Variants in ZMIZ1 observed in about 807,000 individuals in gnomAD.
ZMIZ1 encodes the protein zinc finger MIZ domain-containing protein 1.
Under a neutral mutation model 113.9 loss-of-function variants are expected in ZMIZ1, and 17 were observed. That is an observed-to-expected ratio of 0.15 (90% confidence interval 0.10 to 0.22). The LOEUF (loss-of-function observed/expected upper bound fraction) is 0.22, where lower values mean the gene tolerates loss of function less well. Ranked by LOEUF, ZMIZ1 falls within the 10% of genes least tolerant of loss-of-function variation. The probability of loss-of-function intolerance (pLI) is 1.00; values close to 1 mark genes in which losing one functional copy is unlikely to be tolerated. For synonymous variants in ZMIZ1, 607 were observed against 603.1 expected, an observed-to-expected ratio of 1.01 and a Z score of -0.09; for missense variants, 1,059 against 1,477.8, an observed-to-expected ratio of 0.72 and a Z score of 4.65.
intron 7 of ZMIZ1, among the ~76,000 whole-genome samples, chr10:79,233,924 G>A (rs1849492289): frequency 2.0e-5 from 3 of 152,156 alleles, no homozygotes; most frequent in Non-Finnish European, 4.4e-5. Context: ...AGTGAAGTTG[G>A]GCAAACCAGA....
intron 23 of ZMIZ1, among the ~76,000 whole-genome samples, chr10:79,310,212 G>C (rs1855029743): frequency 6.6e-6 from 1 of 152,190 alleles, no homozygotes; most frequent in South Asian, 2.1e-4. Flanking sequence ...CTGTGTTTTT[G>C]AGGGCTGGTG....
rs777095277 is a variant in ZMIZ1 at position 79,314,011 on chromosome 10, G to T, written c.*1262G>T. The T allele has an allele frequency of 2.2e-6, 1 of 456,062 alleles. No homozygotes were observed. Among genetic ancestry groups the T allele is most frequent in the Non-Finnish European group, 4.4e-6 (1 of 226,842 alleles). The allele number at this position is 456,062 out of a possible 1,614,324, so 28.3% of individuals were successfully genotyped here. On this transcript the variant is annotated 3_prime_UTR_variant, in exon 25 of 25. Coordinates refer to ENST00000334512, the MANE Select transcript of ZMIZ1 (RefSeq NM_020338.4). ...CAGTATGTACCTGCAGGCATGGGGGGGAGGGGGGCGTGTTTCTGGGCCTGC... is the reference window on the plus strand; with the variant it reads ...CAGTATGTACCTGCAGGCATGGGGGTGAGGGGGGCGTGTTTCTGGGCCTGC...
intron 4 of ZMIZ1, among the ~76,000 whole-genome samples, chr10:79,178,742 G>A (rs16937003): frequency 0.036 from 5,448 of 152,236 alleles, 181 homozygotes; most frequent in East Asian, 0.14. Flanking sequence ...CAGCCCAGCC[G>A]GAGAGAGGGC....
intron 7 of ZMIZ1, among the ~76,000 whole-genome samples, chr10:79,275,267 T>C (rs1852204328): frequency 6.6e-6 from 1 of 151,812 alleles, no homozygotes; most frequent in Non-Finnish European, 1.5e-5. Flanking sequence ...CAGAGGAGAG[T>C]GTCTCTTCTC....
At chr10:79,190,527 G>A (rs1365893169) in intron 4 of ZMIZ1, among the ~76,000 whole-genome samples, 6 of 152,198 alleles carry the variant, frequency 3.9e-5, no homozygotes, top group Non-Finnish European at 5.9e-5. Context: ...GTAAATGTCT[G>A]CCTTCTGATT....
At chr10:79,148,197 CAA>C (rs1401277874) in intron 3 of ZMIZ1, among the ~76,000 whole-genome samples, 1 of 152,228 alleles carries the variant, frequency 6.6e-6, no homozygotes, top group African/African-American at 2.4e-5. Flanking sequence ...CCACGCTCCA[CAA>C]AAGATACATC....
At position 79,315,729 on chromosome 10, in the gene ZMIZ1, C is replaced by G. The variant is rs1006918113; in HGVS notation, c.*2980C>G. 3 of 152,804 alleles carry G rather than the reference C, an allele frequency of 2.0e-5. No individual in the cohort carries two copies. The highest frequency in any genetic ancestry group is 7.2e-5 in the African/African-American group (3 of 41,452). 9.5% of individuals were successfully genotyped at this position (152,804 alleles called of 1,614,324 possible). On this transcript the variant is annotated 3_prime_UTR_variant, in exon 25 of 25. Coordinates refer to ENST00000334512, the MANE Select transcript of ZMIZ1 (RefSeq NM_020338.4). ...GGGCCTCGGGCCTGACCCGTCCACA[C>G]AGGGCCGTGTCAACAGCAGCGACTC...
At chr10:79,207,643 A>G (rs1355413038) in intron 5 of ZMIZ1, among the ~76,000 whole-genome samples, 1 of 152,062 alleles carries the variant, frequency 6.6e-6, no homozygotes, top group East Asian at 1.9e-4. Context: ...GACTTCCCCA[A>G]CCATGCCAGC....
chr10:79,247,573 G>GGGGCTTCTCTAAGCCGCA (rs1165109157), intron 7 of ZMIZ1, among the ~76,000 whole-genome samples: 1 of 152,192 alleles, frequency 6.6e-6, no homozygotes, highest in Admixed American at 6.5e-5. Context: ...GAGCCACCCT[G>GGGGCTTCTCTAAGCCGCA]GGGCTTCTCT....
At chr10:79,198,712 G>A (rs1847942752) in intron 4 of ZMIZ1, among the ~76,000 whole-genome samples, 1 of 152,226 alleles carries the variant, frequency 6.6e-6, no homozygotes, top group Admixed American at 6.5e-5. Flanking sequence ...GTGCCGATGT[G>A]AACGGTTATT....
chr10:79,221,924 G>T (rs1251169797), intron 7 of ZMIZ1, among the ~76,000 whole-genome samples: 1 of 152,224 alleles, frequency 6.6e-6, no homozygotes, highest in East Asian at 1.9e-4. Flanking sequence ...TCACAGCTGT[G>T]GGCTCCCACC....
intron 7 of ZMIZ1, among the ~76,000 whole-genome samples, chr10:79,229,837 C>T (rs1849324832): frequency 6.6e-6 from 1 of 152,174 alleles, no homozygotes; most frequent in African/African-American, 2.4e-5. Context: ...CAGCCACTTC[C>T]AGCAGGAAGT....
At chr10:79,197,254 G>A (rs1484280192) in intron 4 of ZMIZ1, among the ~76,000 whole-genome samples, 2 of 152,136 alleles carry the variant, frequency 1.3e-5, no homozygotes, top group Non-Finnish European at 2.9e-5. Flanking sequence ...CTGGCTACCA[G>A]TGTTCACCCA....
intron 4 of ZMIZ1, among the ~76,000 whole-genome samples, chr10:79,162,402 G>C (rs541798297): frequency 6.6e-6 from 1 of 152,180 alleles, no homozygotes; most frequent in African/African-American, 2.4e-5. Context: ...AGAGGGGCAG[G>C]TCTGGCCACC....
chr10:79,134,337 G>A (rs1240096762), intron 2 of ZMIZ1, among the ~76,000 whole-genome samples: 1 of 152,230 alleles, frequency 6.6e-6, no homozygotes, highest in East Asian at 1.9e-4. Flanking sequence ...CAGTGACCAG[G>A]GACAGAGTCA....
rs1286800685 is a variant in ZMIZ1 at position 79,306,090 on chromosome 10, C to T, written c.2424-10C>T. On this transcript the variant is annotated splice_polypyrimidine_tract_variant and intron_variant, in intron 21 of 24. Transcript: ENST00000334512. ...CCGGAGCCTCAGCTCTGCCACCCTT[C>T]CTCCCCCAGCTCCGAGTTTGAAGAG... The T allele has an allele frequency of 6.2e-7, 1 of 1,608,514 alleles. No homozygotes were observed. Among genetic ancestry groups the T allele is most frequent in the Non-Finnish European group, 8.5e-7 (1 of 1,177,044 alleles).
intron 4 of ZMIZ1, among the ~76,000 whole-genome samples, chr10:79,199,844 C>T (rs1847996508): frequency 1.3e-5 from 2 of 152,200 alleles, no homozygotes; most frequent in African/African-American, 4.8e-5. Flanking sequence ...GCACCAAGAG[C>T]TACACATCCT....
intron 7 of ZMIZ1, among the ~76,000 whole-genome samples, chr10:79,222,908 C>T (rs1849039737): frequency 6.6e-6 from 1 of 152,202 alleles, no homozygotes; most frequent in Non-Finnish European, 1.5e-5. Flanking sequence ...CTCTTCTGCT[C>T]AGGACACCTT....
chr10:79,194,195 G>A (rs1190082582), intron 4 of ZMIZ1, among the ~76,000 whole-genome samples: 5 of 152,212 alleles, frequency 3.3e-5, no homozygotes, highest in South Asian at 2.1e-4. Flanking sequence ...ACAGCTCCCC[G>A]GGGACCCCCA....
Sources: allele counts gnomAD v4.1 joint callset (sites outside exome capture counted in the v4.1 genomes callset), GRCh38; gene constraint gnomAD v4.1.1; transcripts MANE v1.5; gene names NCBI Gene and HGNC (gene_info 2026-07-23, HGNC 2026-07-21).